Variants in DYNLT2 observed in about 807,000 individuals in gnomAD.
The protein encoded by DYNLT2 is dynein light chain Tctex-type 2.
In DYNLT2, 24 loss-of-function variants were observed where a neutral mutation model predicts 24.3. That is an observed-to-expected ratio of 0.99 (90% CI 0.71 to 1.39). DYNLT2 has a LOEUF of 1.39. Among genes scored for constraint, DYNLT2 ranks in the 40% most tolerant of loss-of-function variants. The pLI, the probability that DYNLT2 is intolerant of heterozygous loss-of-function variation, is 0.00. For missense variants in DYNLT2, 246 were observed against 234.5 expected (o/e 1.05, Z -0.32); for synonymous variants, 85 against 85.4 (o/e 1.00, Z 0.03).
Position 169,751,426 on chromosome 6 carries a change from G to GCTCGACTTCACGCCTCGGC in DYNLT2, c.14_32dup (p.Ser11ArgfsTer24). The GCTCGACTTCACGCCTCGGC allele has an allele frequency of 6.2e-7, 1 of 1,614,134 alleles. No homozygotes were observed. The highest frequency in any genetic ancestry group is 1.7e-5 in the Admixed American group (1 of 60,030). On this transcript the variant is annotated frameshift_variant, in exon 1 of 4. Coordinates refer to ENST00000366774, the MANE Select transcript of DYNLT2 (RefSeq NM_174910.3). LOFTEE classifies it high-confidence loss of function. Reference sequence around the variant, plus strand: ...GGGTCTGGTTCGGGGTCTGGATGGGGCTCGACTTCACGCCTCGGCCTCGCT... The same window carrying GCTCGACTTCACGCCTCGGC: ...GGGTCTGGTTCGGGGTCTGGATGGGGCTCGACTTCACGCCTCGGCCTCGACTTCACGCCTCGGCCTCGCT...
At chr6:169,725,621 T>G in the DYNLT2 span, 1 of 292,658 alleles carries the variant, frequency 3.4e-6, no homozygotes, top group Non-Finnish European at 6.2e-6. Context: ...CTGATCAGGG[T>G]AGAGTTTAGC....
chr6:169,750,200 A>G (rs1283518633), intron 1 of DYNLT2: 1 of 152,204 alleles, frequency 6.6e-6, no homozygotes, highest in East Asian at 1.9e-4. Context: ...GATAGGCAGT[A>G]AGTTTATAAA....
the DYNLT2 span, among the ~76,000 whole-genome samples, chr6:169,730,478 T>A: frequency 6.6e-6 from 1 of 152,180 alleles, no homozygotes; most frequent in Non-Finnish European, 1.5e-5. Context: ...AAAAACAGCC[T>A]TCATTTGAGA....
In DYNLT2 at chr6:169,744,134, A is replaced by G. The variant is rs779972352; in HGVS notation, c.261T>C (p.Tyr87=). 6 of 1,613,176 alleles carry G rather than the reference A, an allele frequency of 3.7e-6. No individual in the cohort carries two copies. The African/African-American group carries it at 8.0e-5, about 22-fold the overall frequency. The change falls in exon 2 of 4, where the codon TAT becomes TAC. Residue 87 remains tyrosine, a synonymous_variant. Coordinates refer to ENST00000366774, the MANE Select transcript of DYNLT2 (RefSeq NM_174910.3). ...ALAKLKFANS[Y]RMEPLKKFQA... ...GGAATTTCTTCAATGGCTCCATTCT[A>G]TATGAATTAGCAAACTTTAATTTTG...
chr6:169,736,858 C>T (rs929762317), downstream of DYNLT2, among the ~76,000 whole-genome samples: 12 of 150,924 alleles, frequency 8.0e-5, no homozygotes, highest in African/African-American at 2.9e-4. Flanking sequence ...ACATGTTGGC[C>T]TGTCTTCCTA....
chr6:169,732,850 G>T, the DYNLT2 span, among the ~76,000 whole-genome samples: 1 of 152,166 alleles, frequency 6.6e-6, no homozygotes, highest in South Asian at 2.1e-4. Context: ...GATCCTTGAG[G>T]AATTGCCATA....
At chr6:169,748,552 T>G (rs1251431418) in intron 1 of DYNLT2, among the ~76,000 whole-genome samples, 2 of 152,210 alleles carry the variant, frequency 1.3e-5, no homozygotes, top group African/African-American at 2.4e-5. Context: ...AAATCTCTTC[T>G]TGTGATCATC....
intron 1 of DYNLT2, among the ~76,000 whole-genome samples, chr6:169,748,956 TCAA>T (rs1454905549): frequency 2.0e-5 from 3 of 152,232 alleles, no homozygotes; most frequent in Admixed American, 6.5e-5. Flanking sequence ...TTAAATATGA[TCAA>T]CTTTTTGGCA....
chr6:169,747,900 T>C (rs1789845898), intron 1 of DYNLT2, among the ~76,000 whole-genome samples: 1 of 152,206 alleles, frequency 6.6e-6, no homozygotes, highest in Non-Finnish European at 1.5e-5. Context: ...CTAAGACTCT[T>C]GAGCTTTCTT....
chr6:169,737,772 G>A (rs1161441888), downstream of DYNLT2, among the ~76,000 whole-genome samples: 1 of 152,124 alleles, frequency 6.6e-6, no homozygotes, highest in East Asian at 1.9e-4. Flanking sequence ...ACCCCTGTTG[G>A]AGGGTCTCAC....
chr6:169,727,775 G>C, the DYNLT2 span, among the ~76,000 whole-genome samples: 1 of 152,138 alleles, frequency 6.6e-6, no homozygotes, highest in Non-Finnish European at 1.5e-5. Flanking sequence ...ATGTTAGCCA[G>C]GATGGTCTCG....
At chr6:169,745,427 C>G (rs548575229) in intron 1 of DYNLT2, among the ~76,000 whole-genome samples, 1 of 152,080 alleles carries the variant, frequency 6.6e-6, no homozygotes, top group Non-Finnish European at 1.5e-5. Flanking sequence ...TCATATAGAG[C>G]TTTTATTAGG....
chr6:169,743,077 T>G lies in DYNLT2; in HGVS notation c.486+3A>C. On this transcript the variant is annotated splice_donor_region_variant and intron_variant, in intron 3 of 3. Coordinates refer to ENST00000366774, the MANE Select transcript of DYNLT2 (RefSeq NM_174910.3). The stretch of plus-strand genomic sequence containing the variant: ...CTAGATCCTGTATCAATGGGGTACT[T>G]ACATTTATTGCTTGGCCAGTCTTTT... The G allele has an allele frequency of 6.5e-7, 1 of 1,540,988 alleles. No homozygotes were observed. Among genetic ancestry groups the G allele is most frequent in the Non-Finnish European group, 8.8e-7 (1 of 1,135,486 alleles).
chr6:169,743,136 G>A lies in DYNLT2; in HGVS notation c.430C>T (p.Arg144Cys), dbSNP rs372716699. The change falls in exon 3 of 4, where the codon CGT becomes TGT. Residue 144 changes from arginine to cysteine, a missense_variant. Arg to Cys is a radical substitution (Grantham distance 180). Transcript: ENST00000366774. ...AATACTTTTATAATGAACTTATAAC[G>A]GTGGTACCCAAATTCTTTGACTGCT... ...LLAVKEFGYH[R>C]YKFIIKVLFI... 168 of 1,579,738 alleles carry A rather than the reference G, an allele frequency of 1.1e-4. 3 individuals are homozygous for A. The highest frequency in any genetic ancestry group is 9.9e-4 in the South Asian group (85 of 85,988).
At chr6:169,734,357 G>C in the DYNLT2 span, among the ~76,000 whole-genome samples, 1 of 152,170 alleles carries the variant, frequency 6.6e-6, no homozygotes, top group Non-Finnish European at 1.5e-5. Flanking sequence ...TCCTTGTCTT[G>C]TACTGGTTTT....
chr6:169,740,456 T>G (rs1474673154), intron 3 of DYNLT2, among the ~76,000 whole-genome samples, 161 bp from the exon 4 acceptor site: 1 of 152,228 alleles, frequency 6.6e-6, no homozygotes, highest in African/African-American at 2.4e-5. Context: ...GCCTGGAGAA[T>G]GACGCTGCCC....
chr6:169,740,897 C>T (rs1381685834), intron 3 of DYNLT2, among the ~76,000 whole-genome samples: 1 of 151,788 alleles, frequency 6.6e-6, no homozygotes, highest in African/African-American at 2.4e-5. Flanking sequence ...CAACCTCCAC[C>T]TCCTGAGTTC....
the DYNLT2 span, among the ~76,000 whole-genome samples, chr6:169,730,695 G>A: frequency 4.6e-5 from 7 of 152,264 alleles, no homozygotes; most frequent in East Asian, 3.9e-4. Flanking sequence ...TCAGGAGATC[G>A]AGACCATCCT....
Position 169,751,474 on chromosome 6 carries a change from A to C in DYNLT2, c.-16T>G, listed in dbSNP as rs201949555. 1 of 1,612,630 alleles carries C rather than the reference A, an allele frequency of 6.2e-7. No individual in the cohort carries two copies. Among genetic ancestry groups the C allele is most frequent in the African/African-American group, 1.3e-5 (1 of 74,874 alleles). On this transcript the variant is annotated 5_prime_UTR_variant, in exon 1 of 4. Transcript: ENST00000366774. ...GCTTCTCCATCTCGCTCTGTTCTCC[A>C]AGACGCCCACCGCCTCCCCTTCACC...
Sources: gnomAD v4.1 joint callset for allele counts (sites outside exome capture counted in the v4.1 genomes callset) on GRCh38, gnomAD v4.1.1 for gene constraint, MANE v1.5 for transcripts, NCBI Gene and HGNC (gene_info 2026-07-23, HGNC 2026-07-21) for gene names.